KHDRBS3: variants seen among roughly 807,000 people sequenced by gnomAD.
KHDRBS3 encodes the protein KH RNA binding domain containing, signal transduction associated 3, also known as KH domain-containing, RNA-binding, signal transduction-associated protein 3.
KHDRBS3 carries 23 observed loss-of-function variants against 45.6 expected under a neutral mutation model. The observed-to-expected ratio is 0.50, with a 90% CI of 0.36 to 0.72. The LOEUF (loss-of-function observed/expected upper bound fraction) is 0.72, where lower values mean the gene tolerates loss of function less well. Among genes scored for constraint, KHDRBS3 ranks in the 30% least tolerant of loss-of-function variants. The pLI is 0.00. For missense variants in KHDRBS3, 352 were observed against 424.8 expected, an observed-to-expected ratio of 0.83 and a Z score of 1.51; for synonymous variants, 162 against 156.5, an observed-to-expected ratio of 1.04 and a Z score of -0.26.
chr8:135,631,845 C>T (rs750415376), intron 7 of KHDRBS3, among the ~76,000 whole-genome samples: 2 of 152,052 alleles, frequency 1.3e-5, no homozygotes, highest in East Asian at 1.9e-4. Flanking sequence ...TATGATGTAC[C>T]GTACATAATT....
chr8:135,653,537 G>C (rs1831471419), intron 4 of KHDRBS3, among the ~76,000 whole-genome samples: 1 of 152,176 alleles, frequency 6.6e-6, no homozygotes, highest in Admixed American at 6.5e-5. Context: ...AGCCATAGTG[G>C]TATGATACTC....
At chr8:135,548,112 G>A (rs939556602) in intron 3 of KHDRBS3, among the ~76,000 whole-genome samples, 4 of 152,008 alleles carry the variant, frequency 2.6e-5, no homozygotes, top group South Asian at 2.1e-4. Context: ...ATGAATATGC[G>A]AACGAGCAAA....
chr8:135,492,516 C>CATATATATATATATACATACATAT (rs1554616507), intron 1 of KHDRBS3, among the ~76,000 whole-genome samples: 1 of 145,856 alleles, frequency 6.9e-6, no homozygotes, highest in African/African-American at 2.5e-5. Context: ...TATATATATA[C>CATATATATATATATACATACATAT]ATATATATAT....
intron 1 of KHDRBS3, among the ~76,000 whole-genome samples, chr8:135,505,451 C>G (rs1164092678): frequency 1.3e-5 from 2 of 152,116 alleles, no homozygotes; most frequent in African/African-American, 4.8e-5. Flanking sequence ...TAAGACCTCC[C>G]GCCTGCTGAT....
chr8:135,535,835 G>A (rs868192486), intron 2 of KHDRBS3, among the ~76,000 whole-genome samples: 6 of 152,120 alleles, frequency 3.9e-5, no homozygotes, highest in South Asian at 2.1e-4. Flanking sequence ...ACTGTGTGGC[G>A]AGGGCATGGT....
At chr8:135,467,755 AG>A (rs1821772928) in intron 1 of KHDRBS3, among the ~76,000 whole-genome samples, 2 of 152,366 alleles carry the variant, frequency 1.3e-5, no homozygotes, top group South Asian at 4.1e-4. Flanking sequence ...CACTTGGTTA[AG>A]GTGGTGCCAG....
chr8:135,586,580 C>T (rs773821269), intron 6 of KHDRBS3, among the ~76,000 whole-genome samples: 10 of 152,072 alleles, frequency 6.6e-5, no homozygotes, highest in Non-Finnish European at 1.3e-4. Context: ...ATGAACAAAG[C>T]GCTACTAATA....
intron 1 of KHDRBS3, among the ~76,000 whole-genome samples, chr8:135,514,117 T>C (rs1380424512): frequency 6.6e-6 from 1 of 152,212 alleles, no homozygotes; most frequent in African/African-American, 2.4e-5. Flanking sequence ...ATTGAAGCAG[T>C]GCTTCCCGCA....
intron 3 of KHDRBS3, among the ~76,000 whole-genome samples, chr8:135,545,851 A>T (rs1826274868): frequency 6.6e-6 from 1 of 152,172 alleles, no homozygotes; most frequent in Non-Finnish European, 1.5e-5. Flanking sequence ...ACTTAAATGG[A>T]TACTGGCCAG....
chr8:135,566,228 C>T (rs960092402), intron 5 of KHDRBS3, among the ~76,000 whole-genome samples: 7 of 152,158 alleles, frequency 4.6e-5, no homozygotes, highest in East Asian at 1.9e-4. Context: ...TTGCTCTCCT[C>T]GGTTTCCTCT....
chr8:135,616,865 T>A (rs1205730635), intron 7 of KHDRBS3, among the ~76,000 whole-genome samples: 5 of 152,194 alleles, frequency 3.3e-5, no homozygotes, highest in Admixed American at 3.3e-4. Flanking sequence ...ATTTATTTAT[T>A]TTTTAAATAA....
In KHDRBS3 at chr8:135,607,500, A is replaced by G. The variant is rs190588414; in HGVS notation, c.890+463A>G. ...AACTTCAAACTCCTACCTGTGAATA[A>G]TGACTTAGTTGTGATTTATTTTCCA... On this transcript the variant is annotated intron_variant, in intron 7 of 8. Coordinates refer to ENST00000355849, the MANE Select transcript of KHDRBS3 (RefSeq NM_006558.3). 2.4e-4 allele frequency among the ~76,000 whole-genome samples: 36 copies of G among 152,330 alleles called. 1 individual carries two copies. The highest frequency in any genetic ancestry group is 8.4e-4 in the African/African-American group (35 of 41,578).
At chr8:135,527,411 A>G (rs935915907) in intron 2 of KHDRBS3, among the ~76,000 whole-genome samples, 1 of 152,254 alleles carries the variant, frequency 6.6e-6, no homozygotes, top group Non-Finnish European at 1.5e-5. Context: ...GGAGCACTAT[A>G]TTGAAGCACA....
chr8:135,495,831 G>A (rs1229273319), intron 1 of KHDRBS3, among the ~76,000 whole-genome samples: 1 of 152,144 alleles, frequency 6.6e-6, no homozygotes, highest in East Asian at 1.9e-4. Flanking sequence ...TGTGTAGGAA[G>A]AGCCGATCTT....
Position 135,542,872 on chromosome 8 carries a change from T to A in KHDRBS3, c.324+102T>A, listed in dbSNP as rs1467010127. The A allele has an allele frequency of 3.7e-6, 3 of 802,934 alleles. No individual in the cohort carries two copies. The Admixed American group carries it at 7.3e-5, about 20-fold the overall frequency. The allele number at this position is 802,934 out of a possible 1,614,324, so 49.7% of individuals were successfully genotyped here. ...TACATAGTTACATAAGGGGATGTAT[T>A]TGTGATACTGTTTAGAAAATTGAGT... On this transcript the variant is annotated intron_variant, in intron 3 of 8. Transcript: ENST00000355849.
chr8:135,592,506 G>A (rs144496654), intron 6 of KHDRBS3, among the ~76,000 whole-genome samples: 1 of 152,254 alleles, frequency 6.6e-6, no homozygotes, highest in Non-Finnish European at 1.5e-5. Flanking sequence ...TGTTATAATG[G>A]ACTATCTGCA....
intron 1 of KHDRBS3, 72 bp from the exon 2 acceptor site, chr8:135,521,165 A>G (rs1824885522): frequency 3.5e-6 from 3 of 849,338 alleles, no homozygotes; most frequent in Non-Finnish European, 6.0e-6. Context: ...ATGCCACTAC[A>G]GAGCTAACCA....
Position 135,469,198 on chromosome 8 carries a change from C to T in KHDRBS3, c.88+11244C>T, listed in dbSNP as rs541363077. ...ACAGTTTTCTTTATGTAATTTATTGCTCTAATTCATTCAAAAAAGGATTTT... is the reference window on the plus strand; with the variant it reads ...ACAGTTTTCTTTATGTAATTTATTGTTCTAATTCATTCAAAAAAGGATTTT... On this transcript the variant is annotated intron_variant, in intron 1 of 8. Coordinates refer to ENST00000355849, the MANE Select transcript of KHDRBS3 (RefSeq NM_006558.3). Among the ~76,000 whole-genome samples the T allele has an allele frequency of 5.3e-5, 8 of 152,308 alleles. No individual in the cohort carries two copies. The South Asian group carries it at 8.3e-4, about 16-fold the overall frequency.
chr8:135,575,280 G>A (rs868305305), intron 5 of KHDRBS3, among the ~76,000 whole-genome samples: 2 of 152,104 alleles, frequency 1.3e-5, no homozygotes, highest in African/African-American at 4.8e-5. Flanking sequence ...GAAATATTAC[G>A]TCCTTCTCCT....
Sources: gnomAD v4.1 joint callset for allele counts (sites outside exome capture counted in the v4.1 genomes callset) on GRCh38, gnomAD v4.1.1 for gene constraint, MANE v1.5 for transcripts, NCBI Gene and HGNC (gene_info 2026-07-23, HGNC 2026-07-21) for gene names.